The following PPFIBP2 variants were observed in gnomAD, a reference collection of about 807,000 sequenced individuals.
The protein encoded by PPFIBP2 is liprin-beta-2.
In PPFIBP2, 118 loss-of-function variants were observed where a neutral mutation model predicts 118.3. That is an observed-to-expected ratio of 1.00 (90% confidence interval 0.86 to 1.16). The LOEUF is 1.16. Ranked by LOEUF, PPFIBP2 falls within the 50% of genes most tolerant of loss-of-function variation. The probability of loss-of-function intolerance (pLI) is 0.00; values close to 1 mark genes in which losing one functional copy is unlikely to be tolerated. For missense variants in PPFIBP2, 1,195 were observed against 1,073.1 expected, an observed-to-expected ratio of 1.11 and a Z score of -1.59; for synonymous variants, 414 against 397.4, an observed-to-expected ratio of 1.04 and a Z score of -0.50.
intron 3 of PPFIBP2, among the ~76,000 whole-genome samples, chr11:7,586,688 C>T (rs1427628019): frequency 6.6e-6 from 1 of 152,172 alleles, no homozygotes; most frequent in Non-Finnish European, 1.5e-5. Flanking sequence ...GGTTTGTCCT[C>T]TTTCTGCAGA....
chr11:7,555,291 A>C (rs146379337), intron 2 of PPFIBP2, among the ~76,000 whole-genome samples: 2 of 152,206 alleles, frequency 1.3e-5, no homozygotes, highest in Non-Finnish European at 2.9e-5. Context: ...GGAATAGTTA[A>C]GAGGAGTCTG....
At chr11:7,533,924 T>C (rs1339769134) in intron 1 of PPFIBP2, among the ~76,000 whole-genome samples, 2 of 152,284 alleles carry the variant, frequency 1.3e-5, no homozygotes, top group Non-Finnish European at 2.9e-5. Flanking sequence ...CAGAGGAGCA[T>C]GTCATGAGCT....
chr11:7,544,329 T>A (rs1852087540), intron 1 of PPFIBP2, among the ~76,000 whole-genome samples: 1 of 152,198 alleles, frequency 6.6e-6, no homozygotes, highest in South Asian at 2.1e-4. Flanking sequence ...TTGTGTGTGC[T>A]AAGAGCAATA....
In PPFIBP2 at chr11:7,649,894, C is replaced by A. The variant is rs147544478; in HGVS notation, c.2121+240C>A. On this transcript the variant is annotated intron_variant, in intron 21 of 23. Transcript: ENST00000299492. ...ACTGGGGAGACACATGCTATAAAGTCATCATAGTGATTAAAGGAGATGAGG... is the reference window on the plus strand; with the variant it reads ...ACTGGGGAGACACATGCTATAAAGTAATCATAGTGATTAAAGGAGATGAGG... Among the ~76,000 whole-genome samples the A allele has an allele frequency of 4.1e-3, 629 of 152,148 alleles. 9 individuals are homozygous for A. Among genetic ancestry groups the A allele is most frequent in the Non-Finnish European group, 6.3e-3 (430 of 68,024 alleles).
intron 3 of PPFIBP2, chr11:7,577,376 A>G: frequency 3.0e-6 from 1 of 336,084 alleles, no homozygotes; most frequent in Admixed American, 3.9e-5. Flanking sequence ...CGGGGAGGAC[A>G]CTGAAGCAGC....
At chr11:7,646,105 T>C (rs1377858940) in intron 17 of PPFIBP2, among the ~76,000 whole-genome samples, 2 of 152,190 alleles carry the variant, frequency 1.3e-5, no homozygotes, top group Non-Finnish European at 2.9e-5. Context: ...GCCCTCTAGA[T>C]TGTTGTTCAT....
At chr11:7,659,220 A>G (rs2136089106), downstream of PPFIBP2, among the ~76,000 whole-genome samples, 1 of 149,254 alleles carries the variant, frequency 6.7e-6, no homozygotes, top group African/African-American at 2.5e-5. Context: ...GTCCTTGCCC[A>G]TGCCTATGTC....
At chr11:7,656,745 CA>C, downstream of PPFIBP2, 1 of 1,289,826 alleles carries the variant, frequency 7.8e-7, no homozygotes, top group Non-Finnish European at 1.0e-6. Flanking sequence ...GAGCCAGGAC[CA>C]GCTGCTGAAT....
At chr11:7,650,509 A>G (rs1320184230) in intron 21 of PPFIBP2, among the ~76,000 whole-genome samples, 2 of 152,246 alleles carry the variant, frequency 1.3e-5, no homozygotes, top group Non-Finnish European at 2.9e-5. Flanking sequence ...TGTAAAATTG[A>G]CAGTCATCTT....
chr11:7,662,151 A>T, the PPFIBP2 span, among the ~76,000 whole-genome samples: 1 of 150,396 alleles, frequency 6.6e-6, no homozygotes, highest in Non-Finnish European at 1.5e-5. Flanking sequence ...ATTTACATTT[A>T]AAGTTAATAT....
downstream of PPFIBP2, chr11:7,656,949 G>C (rs1854743046): frequency 6.2e-6 from 3 of 480,044 alleles, no homozygotes; most frequent in African/African-American, 6.0e-5. Flanking sequence ...AAGCAGAGCT[G>C]TGGGACAGGT....
At position 7,556,316 on chromosome 11, in the gene PPFIBP2, G is replaced by A. The variant is rs186434101; in HGVS notation, c.64+6777G>A. On this transcript the variant is annotated intron_variant, in intron 2 of 23. Coordinates refer to ENST00000299492, the MANE Select transcript of PPFIBP2 (RefSeq NM_003621.5). ...TAAAAGTACAAAAAATTAGCCGGGTGTGGTGGCGGGCACTTGTAGTCCCAG... is the reference window on the plus strand; with the variant it reads ...TAAAAGTACAAAAAATTAGCCGGGTATGGTGGCGGGCACTTGTAGTCCCAG... Among the ~76,000 whole-genome samples the A allele has an allele frequency of 2.6e-5, 4 of 152,244 alleles. No homozygotes were observed. In the East Asian group the frequency reaches 7.7e-4, roughly 29 times the overall value.
chr11:7,665,465 AG>A, the PPFIBP2 span: 1 of 1,613,948 alleles, frequency 6.2e-7, no homozygotes, highest in Non-Finnish European at 8.5e-7. Flanking sequence ...GCCACACACC[AG>A]GATGAGCGTG....
intron 5 of PPFIBP2, among the ~76,000 whole-genome samples, chr11:7,607,301 A>G (rs986289886): frequency 1.1e-4 from 16 of 147,338 alleles, no homozygotes; most frequent in African/African-American, 1.5e-4. Context: ...TCAACCTCCC[A>G]GGTTCAATCA....
In PPFIBP2 at chr11:7,642,185, G is replaced by A. The variant is rs147073810; in HGVS notation, c.1518-113G>A. The A allele has an allele frequency of 6.0e-4, 773 of 1,285,358 alleles. 5 individuals are homozygous for A. In the African/African-American group the frequency reaches 7.3e-3, roughly 12 times the overall value. The allele number at this position is 1,285,358 out of a possible 1,614,324, so 79.6% of individuals were successfully genotyped here. A position where few individuals can be genotyped will look rare whatever the true frequency, so the allele number is the denominator to read the frequency against. ...ATCTCTGGGAAGGTACGGAGAAGCA[G>A]TGCTGCCGAGAGTCCCTGTGCTGGC... On this transcript the variant is annotated intron_variant, in intron 16 of 23. Transcript: ENST00000299492.
At chr11:7,612,802 G>A (rs181781688) in intron 6 of PPFIBP2, among the ~76,000 whole-genome samples, 87 of 152,262 alleles carry the variant, frequency 5.7e-4, no homozygotes, top group African/African-American at 1.9e-3. Context: ...CAAATTCCTC[G>A]TTCTTGTAAT....
At chr11:7,577,324 T>TGCGTGCATGTATGTGC (rs1554958731) in intron 3 of PPFIBP2, 1 of 266,792 alleles carries the variant, frequency 3.7e-6, no homozygotes, top group Non-Finnish European at 7.4e-6. Context: ...TATGTGCGTG[T>TGCGTGCATGTATGTGC]GTGTGTGTGT....
chr11:7,637,870 G>A (rs1423649108), intron 14 of PPFIBP2, among the ~76,000 whole-genome samples: 1 of 152,164 alleles, frequency 6.6e-6, no homozygotes, highest in Non-Finnish European at 1.5e-5. Context: ...CTTGGGTTAG[G>A]TATGTGTTCT....
intron 2 of PPFIBP2, among the ~76,000 whole-genome samples, chr11:7,559,372 G>A (rs1450441404): frequency 6.6e-6 from 1 of 152,148 alleles, no homozygotes; most frequent in African/African-American, 2.4e-5. Flanking sequence ...TTTTTTTACA[G>A]GAGGTAATTG....
Sources: allele counts gnomAD v4.1 joint callset (sites outside exome capture counted in the v4.1 genomes callset), GRCh38; gene constraint gnomAD v4.1.1; transcripts MANE v1.5; gene names NCBI Gene and HGNC (gene_info 2026-07-23, HGNC 2026-07-21).